Variants in ZZZ3 observed in about 807,000 individuals in gnomAD.
ZZZ3 encodes ZZ-type zinc finger-containing protein 3.
ZZZ3 carries 22 observed loss-of-function variants against 95.2 expected under a neutral mutation model. The ratio of observed to expected loss-of-function variants is 0.23; its 90% CI spans 0.17 to 0.33. ZZZ3 has a LOEUF of 0.33. ZZZ3 is among the 10% of genes least tolerant of loss of function. The probability of loss-of-function intolerance (pLI) is 1.00; values close to 1 mark genes in which losing one functional copy is unlikely to be tolerated. For missense variants in ZZZ3, 885 were observed against 1,066.5 expected, an observed-to-expected ratio of 0.83 and a Z score of 2.37; for synonymous variants, 335 against 358.9, an observed-to-expected ratio of 0.93 and a Z score of 0.75.
intron 12 of ZZZ3, 36 bp from the exon 13 acceptor site, chr1:77,568,502 G>C: frequency 9.2e-7 from 1 of 1,092,788 alleles, no homozygotes; most frequent in African/African-American, 1.6e-5. Context: ...ATGTTGGTTT[G>C]GTAATTAAAA....
Position 77,639,697 on chromosome 1 carries a change from C to G in ZZZ3, c.-205-95G>C, listed in dbSNP as rs560129475. ...TCTATAATAAGAAGAAATACAGGTA[C>G]AGAAACTGTTCATAGTGACATCTTT... On this transcript the variant is annotated intron_variant, in intron 3 of 14. Transcript: ENST00000370801. 422 of 355,522 alleles carry G rather than the reference C, an allele frequency of 1.2e-3. 1 individual carries two copies. Among genetic ancestry groups the G allele is most frequent in the Non-Finnish European group, 1.6e-3 (322 of 199,896 alleles). The allele number at this position is 355,522 out of a possible 1,614,324, so 22.0% of individuals were successfully genotyped here.
At chr1:77,668,558 C>T (rs769657399) in intron 1 of ZZZ3, among the ~76,000 whole-genome samples, 2 of 150,554 alleles carry the variant, frequency 1.3e-5, no homozygotes, top group Non-Finnish European at 2.9e-5. Flanking sequence ...GAAAACAAAG[C>T]TTAGAAATAA....
chr1:77,646,564 C>G (rs1033420507), intron 1 of ZZZ3, among the ~76,000 whole-genome samples: 5 of 152,100 alleles, frequency 3.3e-5, no homozygotes, highest in African/African-American at 1.2e-4. Flanking sequence ...GCATGCTCTA[C>G]AGAATGATAT....
chr1:77,608,794 T>C (rs1245795809), intron 5 of ZZZ3, among the ~76,000 whole-genome samples: 1 of 152,200 alleles, frequency 6.6e-6, no homozygotes, highest in Non-Finnish European at 1.5e-5. Context: ...TTTATTTGTT[T>C]ATGCAGGCAG....
Position 77,584,695 on chromosome 1 carries a change from G to A in ZZZ3, c.1506-40C>T, listed in dbSNP as rs753872002. 9 of 1,502,354 alleles carry A rather than the reference G, an allele frequency of 6.0e-6. No individual in the cohort carries two copies. In the East Asian group the frequency reaches 1.8e-4, roughly 31 times the overall value. The allele number at this position is 1,502,354 out of a possible 1,614,324, so 93.1% of individuals were successfully genotyped here. A position where few individuals can be genotyped will look rare whatever the true frequency, so the allele number is the denominator to read the frequency against. On this transcript the variant is annotated intron_variant, in intron 5 of 14. Coordinates refer to ENST00000370801, the MANE Select transcript of ZZZ3 (RefSeq NM_015534.6). The stretch of plus-strand genomic sequence containing the variant: ...AAAAATATTTCACAAAAATTTTCTA[G>A]TAACAACAATAAATAAAAACTGAGT...
At chr1:77,605,306 T>C (rs773161479) in intron 5 of ZZZ3, among the ~76,000 whole-genome samples, 30 of 152,206 alleles carry the variant, frequency 2.0e-4, no homozygotes, top group Admixed American at 6.5e-5. Flanking sequence ...ACCAGGCAGC[T>C]AACGCCCGCT....
chr1:77,673,743 T>C (rs956948570), intron 1 of ZZZ3, among the ~76,000 whole-genome samples: 2 of 152,316 alleles, frequency 1.3e-5, no homozygotes, highest in Non-Finnish European at 1.5e-5. Context: ...TGTTCATAAA[T>C]ATAAAAGTTG....
intron 1 of ZZZ3, among the ~76,000 whole-genome samples, chr1:77,658,996 A>T (rs1307220806): frequency 6.6e-6 from 1 of 152,184 alleles, no homozygotes; most frequent in Non-Finnish European, 1.5e-5. Context: ...AGGCAGGCGG[A>T]TCACCTGAGG....
Position 77,568,348 on chromosome 1 carries a change from T to C in ZZZ3, c.2450A>G (p.Gln817Arg), listed in dbSNP as rs777721443. The change falls in exon 13 of 15, where the codon CAA becomes CGA. Residue 817 changes from glutamine to arginine, a missense_variant. Physicochemically the swap from Gln to Arg is conservative, Grantham distance 43. Coordinates refer to ENST00000370801, the MANE Select transcript of ZZZ3 (RefSeq NM_015534.6). ...QQMQAESGFV[Q>R]HVGFKCDNCG... ...AGAACTTACCTTAAAGCCCACATGT[T>C]GCACAAATCCACTTTCAGCTTGCAT... The C allele has an allele frequency of 1.3e-6, 2 of 1,590,326 alleles. No homozygotes were observed. Among genetic ancestry groups the C allele is most frequent in the Non-Finnish European group, 1.7e-6 (2 of 1,172,948 alleles).
intron 5 of ZZZ3, among the ~76,000 whole-genome samples, chr1:77,593,215 G>C: frequency 6.6e-6 from 1 of 152,180 alleles, no homozygotes; most frequent in East Asian, 1.9e-4. Context: ...GAATTAATTA[G>C]TAAAGTTGAA....
chr1:77,650,679 A>G (rs1027331166), intron 1 of ZZZ3, among the ~76,000 whole-genome samples: 2 of 151,818 alleles, frequency 1.3e-5, no homozygotes, highest in African/African-American at 2.4e-5. Flanking sequence ...AAAAAAAAAA[A>G]GGATACTATA....
chr1:77,681,785 G>C, intron 1 of ZZZ3, among the ~76,000 whole-genome samples: 1 of 151,462 alleles, frequency 6.6e-6, no homozygotes, highest in Middle Eastern at 3.2e-3. Flanking sequence ...CCAGCTACTC[G>C]ATACTCGAGA....
chr1:77,632,949 G>A lies in ZZZ3; in HGVS notation c.406C>T (p.Pro136Ser), dbSNP rs770456689. The change falls in exon 5 of 15, where the codon CCT (proline) becomes TCT (serine). Residue 136 changes from proline (P) to serine (S), a missense_variant. Coordinates refer to ENST00000370801, the MANE Select transcript of ZZZ3 (RefSeq NM_015534.6). ...ACTGACTCCTTGTCTGATTTTATAG[G>A]AGAATCTTCTTCTGAACTGTTTGGT... is the stretch of plus-strand genomic sequence containing the variant. ...EAPNSSEEDS[P>S]IKSDKESVEQ... The A allele has an allele frequency of 6.8e-6, 11 of 1,614,072 alleles. No individual in the cohort carries two copies. Among genetic ancestry groups the A allele is most frequent in the Middle Eastern group, 1.7e-4 (1 of 6,060 alleles).
At chr1:77,645,796 C>A (rs1162387845) in intron 1 of ZZZ3, among the ~76,000 whole-genome samples, 1 of 151,836 alleles carries the variant, frequency 6.6e-6, no homozygotes, top group Non-Finnish European at 1.5e-5. Context: ...CGTGATGAAA[C>A]CCTGTCTCTA....
intron 1 of ZZZ3, among the ~76,000 whole-genome samples, chr1:77,643,544 G>T (rs1171405571): frequency 6.6e-6 from 1 of 152,162 alleles, no homozygotes; most frequent in South Asian, 2.1e-4. Context: ...TTGGAACAGA[G>T]CTTTGCTTGT....
rs776135237 is a variant in ZZZ3, at chr1:77,584,563, T to G, written c.1598A>C (p.Glu533Ala). The change falls in exon 6 of 15, where the codon GAA becomes GCA. Residue 533 changes from glutamate to alanine, a missense_variant. This residue lies in a region of ZZZ3 where 556 missense variants were observed against 652.9 expected (regional missense o/e 0.85). Coordinates refer to ENST00000370801, the MANE Select transcript of ZZZ3 (RefSeq NM_015534.6). ...DLESLGRHQR[E>A]ALKNPIGFVE... ...AAATCCAATGGGATTTTTCAGTGCTTCTCTCTGGTGCCTGCCTAAACTTTC... is the reference window on the plus strand; with the variant it reads ...AAATCCAATGGGATTTTTCAGTGCTGCTCTCTGGTGCCTGCCTAAACTTTC... 2 of 1,613,464 alleles carry G rather than the reference T, an allele frequency of 1.2e-6. No homozygotes were observed. Among genetic ancestry groups the G allele is most frequent in the Admixed American group, 3.3e-5 (2 of 59,860 alleles).
intron 1 of ZZZ3, among the ~76,000 whole-genome samples, chr1:77,671,069 G>T (rs1164060655): frequency 6.6e-6 from 1 of 151,558 alleles, no homozygotes; most frequent in Non-Finnish European, 1.5e-5. Flanking sequence ...ACATCTGCCA[G>T]CAACTGCCGG....
intron 1 of ZZZ3, among the ~76,000 whole-genome samples, chr1:77,670,555 C>T (rs1396457793): frequency 1.3e-5 from 2 of 152,068 alleles, no homozygotes; most frequent in Non-Finnish European, 2.9e-5. Context: ...AGCCACTGCA[C>T]CTGGCCTAGC....
At chr1:77,566,812 T>C (rs1156455930) in intron 13 of ZZZ3, among the ~76,000 whole-genome samples, 2 of 152,222 alleles carry the variant, frequency 1.3e-5, no homozygotes, top group Non-Finnish European at 2.9e-5. Context: ...CGTGGTGGCA[T>C]TGTGACAGTC....
Sources: gnomAD v4.1 joint callset for allele counts (sites outside exome capture counted in the v4.1 genomes callset) on GRCh38, gnomAD v4.1.1 for gene constraint, gnomAD v4.1.1 regional missense constraint, MANE v1.5 for transcripts, NCBI Gene and HGNC (gene_info 2026-07-23, HGNC 2026-07-21) for gene names.